CFAP92: variants seen among roughly 807,000 people sequenced by gnomAD.
CFAP92 encodes cilia and flagella associated protein 92 (putative).
A neutral mutation model predicts 106.3 loss-of-function variants in CFAP92; 86 were observed. That is an observed-to-expected ratio of 0.81 (90% CI 0.68 to 0.97). The LOEUF is 0.97. CFAP92 is among the 50% of genes least tolerant of loss of function. The pLI, the probability that CFAP92 is intolerant of heterozygous loss-of-function variation, is 0.00. For missense variants in CFAP92, 1,204 were observed against 1,283.8 expected, an observed-to-expected ratio of 0.94 and a Z score of 0.95; for synonymous variants, 477 against 506.4, an observed-to-expected ratio of 0.94 and a Z score of 0.78.
upstream of CFAP92, among the ~76,000 whole-genome samples, chr3:128,994,734 C>G (rs547549361): frequency 3.2e-4 from 49 of 152,304 alleles, no homozygotes; most frequent in Admixed American, 1.0e-3. Flanking sequence ...CTAAACCACC[C>G]AAGCTGAGAG....
At chr3:128,946,862 C>G (rs1559884300) in intron 9 of CFAP92, among the ~76,000 whole-genome samples, 1 of 152,002 alleles carries the variant, frequency 6.6e-6, no homozygotes, top group Non-Finnish European at 1.5e-5. Context: ...TTAGAATGAT[C>G]AGAGATATAA....
At chr3:128,945,034 C>T (rs1351765034) in intron 10 of CFAP92, 37 bp downstream of exon 10, 2 of 1,463,336 alleles carry the variant, frequency 1.4e-6, no homozygotes, top group Admixed American at 4.6e-5. Flanking sequence ...ATCCAGATGC[C>T]ATCATTTTTA....
At position 128,975,877 on chromosome 3, in the gene CFAP92, A is replaced by C. The variant is rs772963595; in HGVS notation, c.923T>G (p.Ile308Ser). The C allele has an allele frequency of 2.0e-5, 32 of 1,610,172 alleles. No individual in the cohort carries two copies. The highest frequency in any genetic ancestry group is 1.6e-5 in the Non-Finnish European group (19 of 1,178,454). ...CATCATGCTTGCTCCTGCCAAAGAA[A>C]TGGTTGGTGTTCTTGAAACACTCCA... ...IQWSVSRTPT[I>S]SLAGASMMEI... Residue 308 changes from isoleucine (I) to serine (S), a missense_variant, in exon 7 of 16, where the codon ATT becomes AGT. Ile to Ser is a moderately radical substitution (Grantham distance 142). Transcript: ENST00000645291.
intron 15 of CFAP92, chr3:128,910,868 G>A: frequency 1.3e-6 from 2 of 1,586,640 alleles, no homozygotes; most frequent in Non-Finnish European, 1.7e-6. Context: ...GGCCCCTATT[G>A]ATGGTGAGCT....
At chr3:128,949,859 G>T (rs369446055) in intron 9 of CFAP92, among the ~76,000 whole-genome samples, 1 of 152,064 alleles carries the variant, frequency 6.6e-6, no homozygotes, top group East Asian at 1.9e-4. Context: ...GCTGATTTTT[G>T]TGTTTTTAGT....
chr3:128,992,320 G>A (rs1001163394), intron 2 of CFAP92, among the ~76,000 whole-genome samples: 5 of 152,178 alleles, frequency 3.3e-5, no homozygotes, highest in African/African-American at 1.2e-4. Flanking sequence ...CCAGCACTTT[G>A]GGAGGCTGAG....
At chr3:128,959,628 G>C (rs4927898) in intron 9 of CFAP92, among the ~76,000 whole-genome samples, 1 of 151,946 alleles carries the variant, frequency 6.6e-6, no homozygotes, top group Non-Finnish European at 1.5e-5. Flanking sequence ...CACAATGAGT[G>C]AGCATCCCGC....
the CFAP92 span, among the ~76,000 whole-genome samples, chr3:129,024,977 T>C: frequency 3.9e-5 from 6 of 151,994 alleles, no homozygotes; most frequent in African/African-American, 1.5e-4. Flanking sequence ...CTTTGGGTGG[T>C]CAAGTGGGTG....
chr3:129,021,053 G>A, the CFAP92 span, among the ~76,000 whole-genome samples: 7 of 152,182 alleles, frequency 4.6e-5, no homozygotes, highest in Non-Finnish European at 8.8e-5. Context: ...TTCGTGGGGA[G>A]GAGGGTTTGC....
intron 1 of CFAP92, among the ~76,000 whole-genome samples, chr3:128,999,467 G>A (rs1944607722): frequency 6.6e-6 from 1 of 152,008 alleles, no homozygotes; most frequent in Non-Finnish European, 1.5e-5. Context: ...TGGGGGGTGG[G>A]GAGGGTGTTG....
At chr3:128,943,086 C>T (rs576179764) in intron 10 of CFAP92, among the ~76,000 whole-genome samples, 3 of 151,538 alleles carry the variant, frequency 2.0e-5, no homozygotes, top group Non-Finnish European at 2.9e-5. Context: ...CAGCCTGGCT[C>T]ATTTTTGTAT....
intron 4 of CFAP92, among the ~76,000 whole-genome samples, chr3:128,984,601 G>A (rs962428361): frequency 4.6e-5 from 7 of 152,258 alleles, no homozygotes; most frequent in South Asian, 2.1e-4. Flanking sequence ...TTTGGGACTC[G>A]GACTGGCTTC....
At chr3:128,999,115 GA>G (rs1359699744) in intron 1 of CFAP92, among the ~76,000 whole-genome samples, 1 of 152,090 alleles carries the variant, frequency 6.6e-6, no homozygotes, top group African/African-American at 2.4e-5. Flanking sequence ...ACTGACTTCA[GA>G]AAATCATTTC....
rs1290830428 is a variant in CFAP92 at position 128,953,620 on chromosome 3, C to T, written c.1354-7645G>A. On this transcript the variant is annotated intron_variant, in intron 9 of 15. Transcript: ENST00000645291. ...CCCTCCCCCTCTCCCTCTCCCTCTCCCTCCCTCTCCGTCTCCCTCTCCCCA... is the reference window on the plus strand; with the variant it reads ...CCCTCCCCCTCTCCCTCTCCCTCTCTCTCCCTCTCCGTCTCCCTCTCCCCA... Among the ~76,000 whole-genome samples, 1,100 of 119,408 alleles carry T rather than the reference C, an allele frequency of 9.2e-3. 67 individuals carry two copies. Among genetic ancestry groups the T allele is most frequent in the African/African-American group, 0.048 (1,031 of 21,414 alleles). 78.3% of individuals were successfully genotyped at this position (119,408 alleles called of 152,430 possible).
chr3:128,956,994 A>AAAAAAAAAAAAG (rs377096690), intron 9 of CFAP92, among the ~76,000 whole-genome samples: 2 of 129,060 alleles, frequency 1.5e-5, no homozygotes, highest in Non-Finnish European at 1.6e-5. Context: ...AAAAAAAAAA[A>AAAAAAAAAAAAG]AAAGAAATCA....
exon 1 of CFAP92, chr3:129,002,580 T>C: frequency 3.3e-6 from 2 of 608,056 alleles, no homozygotes; most frequent in South Asian, 3.5e-5. Flanking sequence ...ATACCCCACT[T>C]TTCTGCTCCA....
intron 10 of CFAP92, among the ~76,000 whole-genome samples, chr3:128,943,748 A>G (rs789234): frequency 0.44 from 66,355 of 151,054 alleles, 16,275 homozygotes; most frequent in African/African-American, 0.66. Flanking sequence ...TGTTGGCCAG[A>G]CTGGTCCCGA....
At position 129,001,699 on chromosome 3, in the gene CFAP92, C is replaced by T. The variant is rs991820304; in HGVS notation, n.117+875G>A. ...GGAGGTGACCCGTACCGGCGACCTG[C>T]GCGGCGCACGCAGTGGCTGCTGAGC... On this transcript the variant is annotated intron_variant and non_coding_transcript_variant, in intron 1 of 4. Coordinates refer to the CFAP92 transcript ENST00000510149. The T allele has an allele frequency of 3.3e-6, 5 of 1,498,198 alleles. No individual in the cohort carries two copies. In the East Asian group the frequency reaches 1.4e-4, roughly 41 times the overall value. 92.8% of individuals were successfully genotyped at this position (1,498,198 alleles called of 1,614,324 possible). A position where few individuals can be genotyped will look rare whatever the true frequency, so the allele number is the denominator to read the frequency against.
chr3:128,993,562 C>T (rs1210286456), intron 1 of CFAP92: 3 of 532,346 alleles, frequency 5.6e-6, no homozygotes, highest in Non-Finnish European at 1.0e-5. Context: ...GCAGTAAGCA[C>T]GACGACGAGC....
Sources: allele counts gnomAD v4.1 joint callset (sites outside exome capture counted in the v4.1 genomes callset), GRCh38; gene constraint gnomAD v4.1.1; transcripts MANE v1.5; gene names NCBI Gene and HGNC (gene_info 2026-07-23, HGNC 2026-07-21).